Variants in OR14A16 observed in about 807,000 individuals in gnomAD.
OR14A16 encodes the protein olfactory receptor 14A16.
For missense variants in OR14A16, 341 were observed against 366.5 expected, an observed-to-expected ratio of 0.93 and a Z score of 0.57; for synonymous variants, 135 against 137.6, an observed-to-expected ratio of 0.98 and a Z score of 0.13.
At chr1:247,818,619 T>G (rs897568849) in intron 2 of OR14A16, among the ~76,000 whole-genome samples, 1 of 152,188 alleles carries the variant, frequency 6.6e-6, no homozygotes, top group Non-Finnish European at 1.5e-5. Flanking sequence ...GGACAAATTT[T>G]GCATGTTCTC....
chr1:247,814,977 A>C lies in OR14A16; in HGVS notation c.753T>G (p.Thr251=). The C allele has an allele frequency of 6.2e-7, 1 of 1,614,048 alleles. No homozygotes were observed. Among genetic ancestry groups the C allele is most frequent in the Non-Finnish European group, 8.5e-7 (1 of 1,180,000 alleles). Residue 251 remains threonine, a synonymous_variant, in exon 3 of 3, where the codon ACT becomes ACG. Transcript: ENST00000641093. ...PHLLVVLFLS[T]GFIAYLKPAS... ...CTGGCTTCAGATAAGCAATGAATCC[A>C]GTGGAAAGAAATAACACAACCAGCA... is the stretch of plus-strand genomic sequence containing the variant.
intron 1 of OR14A16, among the ~76,000 whole-genome samples, chr1:247,822,786 G>T (rs1268975213): frequency 1.3e-5 from 2 of 152,146 alleles, no homozygotes; most frequent in Admixed American, 6.5e-5. Flanking sequence ...TCATAATTAA[G>T]AGTGAGGAAG....
Position 247,814,798 on chromosome 1 carries a change from T to C in OR14A16, c.*2A>G. 2 of 1,529,366 alleles carry C rather than the reference T, an allele frequency of 1.3e-6. No homozygotes were observed. The highest frequency in any genetic ancestry group is 1.8e-6 in the Non-Finnish European group (2 of 1,140,726). The allele number at this position is 1,529,366 out of a possible 1,614,324, so 94.7% of individuals were successfully genotyped here. ...TTATTGAAAGAAGAAAAGCAACAGC[T>C]TTTACTTTTTGGTGAGCTTTCCCTT... On this transcript the variant is annotated 3_prime_UTR_variant, in exon 3 of 3. Transcript: ENST00000641093.
chr1:247,822,395 T>C (rs1413674047), intron 1 of OR14A16, among the ~76,000 whole-genome samples: 1 of 151,918 alleles, frequency 6.6e-6, no homozygotes, highest in Admixed American at 6.6e-5. Context: ...GTTATCTCTG[T>C]CTTCAGGAGT....
At chr1:247,821,861 T>C (rs1481886791) in intron 1 of OR14A16, among the ~76,000 whole-genome samples, 1 of 148,092 alleles carries the variant, frequency 6.8e-6, no homozygotes, top group African/African-American at 2.4e-5. Context: ...GATTAGATTT[T>C]CTCTAGTGGT....
intron 1 of OR14A16, among the ~76,000 whole-genome samples, chr1:247,822,321 G>T (rs1441213189): frequency 1.3e-5 from 1 of 74,834 alleles, no homozygotes; most frequent in African/African-American, 4.7e-5. Context: ...TGGCGGGGGG[G>T]GAGGGTGGGG....
At chr1:247,817,800 A>C (rs1310525403) in intron 2 of OR14A16, among the ~76,000 whole-genome samples, 1 of 152,128 alleles carries the variant, frequency 6.6e-6, no homozygotes, top group Non-Finnish European at 1.5e-5. Flanking sequence ...ATACACTTTC[A>C]GCTTAGTGTG....
chr1:247,821,548 G>T (rs1198317175), intron 1 of OR14A16, among the ~76,000 whole-genome samples: 1 of 111,520 alleles, frequency 9.0e-6, no homozygotes, highest in Non-Finnish European at 2.2e-5. Context: ...TTGACTTAAA[G>T]TCTATCTTAT....
intron 1 of OR14A16, among the ~76,000 whole-genome samples, chr1:247,822,622 T>A (rs982397494): frequency 3.3e-5 from 5 of 152,222 alleles, no homozygotes; most frequent in African/African-American, 4.8e-5. Flanking sequence ...TCTGCCTCTG[T>A]GATTATGTGA....
rs1374840326 is a variant in OR14A16 at position 247,815,610 on chromosome 1, A to T, written c.120T>A (p.Asn40Lys). 10 of 1,612,796 alleles carry T rather than the reference A, an allele frequency of 6.2e-6. No homozygotes were observed. Among genetic ancestry groups the T allele is most frequent in the Non-Finnish European group, 7.6e-6 (9 of 1,178,874 alleles). Reference protein sequence around the residue: ...LLIYLCALMGNVLIIMITTLD... With the variant: ...LLIYLCALMGKVLIIMITTLD... ...AAGTTGTGATCATGATAATGAGGAC[A>T]TTCCCCATCAGGGCACACAAATAAA... Residue 40 changes from asparagine (N) to lysine (K), a missense_variant, in exon 3 of 3, where the codon AAT becomes AAA. Coordinates refer to ENST00000641093, the MANE Select transcript of OR14A16 (RefSeq NM_001001966.2).
In OR14A16 at chr1:247,814,874, T is replaced by C; in HGVS notation, c.856A>G (p.Ile286Val). The change falls in exon 3 of 3, where the codon ATA becomes GTA. Residue 286 changes from isoleucine to valine, a missense_variant. By Grantham distance (29) the Ile-to-Val change is conservative (BLOSUM62 3). Coordinates refer to ENST00000641093, the MANE Select transcript of OR14A16 (RefSeq NM_001001966.2). ...ATGGCCTTGTTTCTCAAACTGTATATAATGGGATTAAAGGTTGGGGGCAGC... is the reference window on the plus strand; with the variant it reads ...ATGGCCTTGTTTCTCAAACTGTATACAATGGGATTAAAGGTTGGGGGCAGC... ...TMLPPTFNPI[I>V]YSLRNKAIKV... 6.2e-7 allele frequency: 1 copy of C among 1,613,708 alleles called. No individual in the cohort carries two copies. The highest frequency in any genetic ancestry group is 8.5e-7 in the Non-Finnish European group (1 of 1,179,888).
At chr1:247,818,735 A>C (rs945262778) in intron 2 of OR14A16, among the ~76,000 whole-genome samples, 1 of 152,196 alleles carries the variant, frequency 6.6e-6, no homozygotes, top group African/African-American at 2.4e-5. Context: ...GGAGGAAAGT[A>C]GCAATAGTTA....
At chr1:247,817,346 C>A (rs907781419) in intron 2 of OR14A16, among the ~76,000 whole-genome samples, 2 of 151,904 alleles carry the variant, frequency 1.3e-5, no homozygotes, top group Non-Finnish European at 1.5e-5. Flanking sequence ...TTTGAATGAA[C>A]AGTTAAAAAT....
chr1:247,815,309 G>T lies in OR14A16; in HGVS notation c.421C>A (p.Gln141Lys). Residue 141 changes from glutamine to lysine, a missense_variant, in exon 3 of 3, where the codon CAA (glutamine) becomes AAA (lysine). Physicochemically the swap from Gln to Lys is moderately conservative, Grantham distance 53 (BLOSUM62 1). Transcript: ENST00000641093. ...TACAGCCAAGACACAGTGGCTCTTT[G>T]GACACAGGTGCTCCTGTCCATGATG... ...DVIMDRSTCV[Q>K]RATVSWLYGG... The T allele has an allele frequency of 6.2e-7, 1 of 1,614,074 alleles. No individual in the cohort carries two copies. The highest frequency in any genetic ancestry group is 1.1e-5 in the South Asian group (1 of 91,060).
In OR14A16 at chr1:247,815,631, AT is replaced by A. The variant is rs1662603079; in HGVS notation, c.98del (p.Tyr33PhefsTer5). On this transcript the variant is annotated frameshift_variant, in exon 3 of 3. Transcript: ENST00000641093. LOFTEE classifies it low-confidence loss of function (END_TRUNC). Reference protein sequence around the residue: ...ILHSILFLLIYLCALMGNVLI... With the variant: ...ILHSILFLLIXLCALMGNVLI... Reference sequence around the variant, plus strand: ...GGACATTCCCCATCAGGGCACACAAATAAATCAACAAGAAGAGAATCGAATG... The same window carrying A: ...GGACATTCCCCATCAGGGCACACAAAAAATCAACAAGAAGAGAATCGAATG... 1 of 1,612,262 alleles carries A rather than the reference AT, an allele frequency of 6.2e-7. No homozygotes were observed. The highest frequency in any genetic ancestry group is 8.5e-7 in the Non-Finnish European group (1 of 1,178,236).
At chr1:247,820,873 A>T (rs1662724153) in intron 1 of OR14A16, among the ~76,000 whole-genome samples, 1 of 152,118 alleles carries the variant, frequency 6.6e-6, no homozygotes, top group Admixed American at 6.5e-5. Context: ...AAAAAAAAAA[A>T]AAAATCTTTA....
Position 247,814,745 on chromosome 1 carries a change from A to T in OR14A16, c.*55T>A. On this transcript the variant is annotated 3_prime_UTR_variant, in exon 3 of 3. Transcript: ENST00000641093. Reference sequence around the variant, plus strand: ...GAATTAGAGATAAAAATGAAGAATTAATGTGTGTACATTATAAATGGTATC... The same window carrying T: ...GAATTAGAGATAAAAATGAAGAATTTATGTGTGTACATTATAAATGGTATC... 1 of 817,188 alleles carries T rather than the reference A, an allele frequency of 1.2e-6. No individual in the cohort carries two copies. The allele number at this position is 817,188 out of a possible 1,614,324, so 50.6% of individuals were successfully genotyped here.
intron 2 of OR14A16, among the ~76,000 whole-genome samples, chr1:247,817,677 G>A (rs1220319387): frequency 1.3e-5 from 2 of 148,528 alleles, no homozygotes; most frequent in Admixed American, 6.9e-5. Flanking sequence ...GGAAAGTATA[G>A]CATGCCTTTT....
chr1:247,823,866 A>C (rs1360519503), intron 1 of OR14A16, 87 bp downstream of exon 1: 1 of 152,026 alleles, frequency 6.6e-6, no homozygotes, highest in African/African-American at 2.4e-5. Context: ...CAAAAATATA[A>C]AAATAAATAA....
Sources: allele counts gnomAD v4.1 joint callset (sites outside exome capture counted in the v4.1 genomes callset), GRCh38; gene constraint gnomAD v4.1.1; transcripts MANE v1.5; gene names NCBI Gene and HGNC (gene_info 2026-07-23, HGNC 2026-07-21).